ERBB4: variants seen among roughly 807,000 people sequenced by gnomAD.
The protein encoded by ERBB4 is receptor tyrosine-protein kinase erbB-4.
Under a neutral mutation model 158.0 loss-of-function variants are expected in ERBB4, and 42 were observed. The observed-to-expected ratio is 0.27, with a 90% confidence interval of 0.21 to 0.34. The LOEUF is 0.34. Among genes scored for constraint, ERBB4 ranks in the 10% least tolerant of loss-of-function variants. The pLI, the probability that ERBB4 is intolerant of heterozygous loss-of-function variation, is 1.00. For synonymous variants in ERBB4, 583 were observed against 558.7 expected (o/e 1.04, Z -0.61); for missense variants, 1,333 against 1,624.1 (o/e 0.82, Z 3.08).
chr2:212,230,193 G>A (rs2083615440), intron 1 of ERBB4, among the ~76,000 whole-genome samples: 1 of 152,106 alleles, frequency 6.6e-6, no homozygotes, highest in Non-Finnish European at 1.5e-5. Context: ...GCTGAGGCAG[G>A]AGAATTGCTT....
chr2:211,812,356 GGAACAGCAAATATTGCA>G (rs1221531852), intron 3 of ERBB4, among the ~76,000 whole-genome samples: 11 of 152,112 alleles, frequency 7.2e-5, no homozygotes, highest in African/African-American at 9.7e-5. Flanking sequence ...CGGAGGCTGC[GGAACAGCAAATATTGCA>G]GAACAGCAAA....
At chr2:211,553,742 G>A (rs2067165510) in intron 20 of ERBB4, among the ~76,000 whole-genome samples, 1 of 152,278 alleles carries the variant, frequency 6.6e-6, no homozygotes, top group Admixed American at 6.5e-5. Context: ...AGTTCGCACA[G>A]TTAGTAAGTG....
At chr2:212,081,023 A>G (rs2078427445) in intron 2 of ERBB4, among the ~76,000 whole-genome samples, 1 of 152,306 alleles carries the variant, frequency 6.6e-6, no homozygotes, top group South Asian at 2.1e-4. Flanking sequence ...GTTAGACATT[A>G]TATGTCTATG....
intron 20 of ERBB4, among the ~76,000 whole-genome samples, chr2:211,486,410 T>C (rs964439247): frequency 6.6e-6 from 1 of 152,184 alleles, no homozygotes; most frequent in Admixed American, 6.6e-5. Context: ...TTCTAACACA[T>C]TTAAAACTTA....
intron 5 of ERBB4, among the ~76,000 whole-genome samples, chr2:211,728,801 C>T (rs572460431): frequency 6.6e-6 from 1 of 151,822 alleles, no homozygotes; most frequent in South Asian, 2.1e-4. Context: ...TTTTTAACTC[C>T]ATGGTGATTT....
At chr2:211,985,014 CTTAGAGTGTTA>C (rs1413814568) in intron 2 of ERBB4, among the ~76,000 whole-genome samples, 6 of 152,088 alleles carry the variant, frequency 3.9e-5, no homozygotes, top group Non-Finnish European at 8.8e-5. Context: ...GCATATAACA[CTTAGAGTGTTA>C]TTGTTTTCAT....
chr2:211,623,853 C>T, intron 18 of ERBB4, 69 bp downstream of exon 18: 1 of 1,471,940 alleles, frequency 6.8e-7, no homozygotes, highest in Admixed American at 1.7e-5. Flanking sequence ...AGTAATAACT[C>T]CATTGGCTAT....
At chr2:212,113,139 T>G (rs1239299534) in intron 2 of ERBB4, among the ~76,000 whole-genome samples, 1 of 152,042 alleles carries the variant, frequency 6.6e-6, no homozygotes, top group Admixed American at 6.6e-5. Flanking sequence ...GGGGAGCATG[T>G]TAAGGTTAGG....
chr2:212,491,913 C>T (rs1560470926), intron 1 of ERBB4, among the ~76,000 whole-genome samples: 3 of 151,474 alleles, frequency 2.0e-5, no homozygotes, highest in African/African-American at 7.3e-5. Context: ...AATACCCTCC[C>T]TGTCATAAGA....
At chr2:211,868,055 A>G (rs16847136) in intron 3 of ERBB4, among the ~76,000 whole-genome samples, 2,066 of 152,326 alleles carry the variant, frequency 0.014, 55 homozygotes, top group African/African-American at 0.046. Context: ...AAGACTATAT[A>G]CTGCAGTGTT....
intron 19 of ERBB4, among the ~76,000 whole-genome samples, chr2:211,605,757 A>G (rs938667564): frequency 6.6e-6 from 1 of 152,120 alleles, no homozygotes; most frequent in African/African-American, 2.4e-5. Flanking sequence ...AGTATTTTAT[A>G]TTTATATAAC....
At chr2:212,033,750 T>G (rs984752985) in intron 2 of ERBB4, among the ~76,000 whole-genome samples, 6 of 151,886 alleles carry the variant, frequency 4.0e-5, no homozygotes, top group African/African-American at 1.4e-4. Context: ...CATGGAGACC[T>G]TAGTTTAATT....
At chr2:211,632,595 A>C (rs1187867414) in intron 16 of ERBB4, among the ~76,000 whole-genome samples, 2 of 151,052 alleles carry the variant, frequency 1.3e-5, no homozygotes, top group Non-Finnish European at 3.0e-5. Flanking sequence ...ATGAAAAGAA[A>C]ACGCTCTATT....
At chr2:212,342,529 C>A (rs895869929) in intron 1 of ERBB4, among the ~76,000 whole-genome samples, 3 of 152,154 alleles carry the variant, frequency 2.0e-5, no homozygotes, top group Admixed American at 2.0e-4. Context: ...ATTTCCCAGT[C>A]TTGGGTATTC....
chr2:211,971,029 T>A (rs1268698861), intron 2 of ERBB4, among the ~76,000 whole-genome samples: 1 of 152,210 alleles, frequency 6.6e-6, no homozygotes, highest in Non-Finnish European at 1.5e-5. Context: ...TTCCTTTTCA[T>A]ATTCAGTGCT....
chr2:211,388,080 C>G (rs1559118242), intron 25 of ERBB4, 88 bp from the exon 26 acceptor site: 2 of 1,033,238 alleles, frequency 1.9e-6, no homozygotes, highest in South Asian at 2.6e-5. Flanking sequence ...AGAAAAGCCA[C>G]ATGGGTCGTA....
intron 1 of ERBB4, among the ~76,000 whole-genome samples, chr2:212,287,615 C>A (rs550259752): frequency 3.6e-4 from 55 of 152,092 alleles, no homozygotes; most frequent in African/African-American, 1.3e-3. Context: ...TAGGAGGTAT[C>A]CAGTAAGAGG....
At chr2:212,119,957 G>T (rs556852589) in intron 2 of ERBB4, among the ~76,000 whole-genome samples, 2 of 152,078 alleles carry the variant, frequency 1.3e-5, no homozygotes, top group Non-Finnish European at 2.9e-5. Flanking sequence ...CTCAGGAGAC[G>T]TACTAGACAA....
chr2:211,423,533 TTATAATACATA>T (rs2063555287), intron 23 of ERBB4, among the ~76,000 whole-genome samples: 2 of 151,842 alleles, frequency 1.3e-5, no homozygotes, highest in Admixed American at 6.6e-5. Context: ...AAAAACACAT[TTATAATACATA>T]TGTGTCTGGG....
Sources: gnomAD v4.1 joint callset for allele counts (sites outside exome capture counted in the v4.1 genomes callset) on GRCh38, gnomAD v4.1.1 for gene constraint, MANE v1.5 for transcripts, NCBI Gene and HGNC (gene_info 2026-07-23, HGNC 2026-07-21) for gene names.